The following ELP4 variants were observed in gnomAD, a reference collection of about 807,000 sequenced individuals.
The protein encoded by ELP4 is elongator complex protein 4.
In ELP4, 51 loss-of-function variants were observed where a neutral mutation model predicts 48.9. The observed-to-expected ratio is 1.04, with a 90% CI of 0.83 to 1.32. ELP4 has a LOEUF of 1.32. Ranked by LOEUF, ELP4 falls within the 40% of genes most tolerant of loss-of-function variation. The pLI is 0.00. For synonymous variants in ELP4, 210 were observed against 189.2 expected (o/e 1.11, Z -0.90); for missense variants, 519 against 514.6 (o/e 1.01, Z -0.08).
At chr11:31,563,005 AT>A (rs1442747139) in intron 3 of ELP4, among the ~76,000 whole-genome samples, 3 of 152,090 alleles carry the variant, frequency 2.0e-5, no homozygotes. Flanking sequence ...AATATCTTTG[AT>A]TTTTTTCTGT....
At chr11:31,783,286 C>A in intron 9 of ELP4, 107 bp from the exon 10 acceptor site, 1 of 963,448 alleles carries the variant, frequency 1.0e-6, no homozygotes, top group Non-Finnish European at 1.5e-6. Flanking sequence ...AGTCTAAATG[C>A]TGATCAACAG....
At chr11:31,765,047 C>T (rs1948014496) in intron 9 of ELP4, among the ~76,000 whole-genome samples, 1 of 152,102 alleles carries the variant, frequency 6.6e-6, no homozygotes, top group Non-Finnish European at 1.5e-5. Context: ...CATCCCACTC[C>T]TCAGCAAAAC....
intron 9 of ELP4, among the ~76,000 whole-genome samples, chr11:31,693,390 A>G (rs1462155959): frequency 1.3e-5 from 2 of 151,560 alleles, no homozygotes; most frequent in Non-Finnish European, 2.9e-5. Context: ...ATTCCCACCT[A>G]TGAGTAAGAA....
Position 31,784,230 on chromosome 11 carries a change from A to G in ELP4, c.*706A>G, listed in dbSNP as rs1318635419. 6.6e-6 allele frequency: 1 copy of G among 152,226 alleles called. No homozygotes were observed. Among genetic ancestry groups the G allele is most frequent in the Non-Finnish European group, 1.5e-5 (1 of 68,030 alleles). 9.4% of individuals were successfully genotyped at this position (152,226 alleles called of 1,614,324 possible). A position where few individuals can be genotyped will look rare whatever the true frequency, so the allele number is the denominator to read the frequency against. ...GAAATTCAAACTGACAGCTACATTA[A>G]TGCTAGGATACCAGGAGAAAAACAT... On this transcript the variant is annotated 3_prime_UTR_variant, in exon 10 of 10. Transcript: ENST00000640961.
At chr11:31,573,947 G>A (rs1469000223) in intron 3 of ELP4, among the ~76,000 whole-genome samples, 1 of 152,142 alleles carries the variant, frequency 6.6e-6, no homozygotes, top group African/African-American at 2.4e-5. Flanking sequence ...GGACTTCAAT[G>A]TATGGACCTG....
At chr11:31,531,017 T>G (rs545502887) in intron 2 of ELP4, among the ~76,000 whole-genome samples, 1 of 152,172 alleles carries the variant, frequency 6.6e-6, no homozygotes, top group Non-Finnish European at 1.5e-5. Context: ...GTTATGGGGA[T>G]TCACTAAATA....
At chr11:31,741,491 C>T (rs528717774) in intron 9 of ELP4, among the ~76,000 whole-genome samples, 28 of 152,240 alleles carry the variant, frequency 1.8e-4, no homozygotes, top group Non-Finnish European at 3.5e-4. Flanking sequence ...CTGGGAGACA[C>T]CCCCCAGTAG....
intron 2 of ELP4, among the ~76,000 whole-genome samples, chr11:31,536,412 C>T (rs1956502070): frequency 6.6e-6 from 1 of 152,144 alleles, no homozygotes; most frequent in East Asian, 1.9e-4. Context: ...AGTGCAGTGG[C>T]GTAATCTCGG....
rs1049974120 is a variant in ELP4, at chr11:31,632,327, G to C, written c.849G>C (p.Lys283Asn). ...GTGGCAACAGTCACAGCCTTACCAA[G>C]TTCCTCTATGTTCTCCGTGGTCTTC... ...ENGGNSHSLT[K>N]FLYVLRGLLR... Residue 283 changes from lysine (K) to asparagine (N), a missense_variant, in exon 7 of 10, where the codon AAG (lysine) becomes AAC (asparagine). Coordinates refer to ENST00000640961, the MANE Select transcript of ELP4 (RefSeq NM_019040.5). 6.2e-7 allele frequency: 1 copy of C among 1,613,402 alleles called. No individual in the cohort carries two copies. The highest frequency in any genetic ancestry group is 2.2e-5 in the East Asian group (1 of 44,814).
Position 31,783,902 on chromosome 11 carries a change from TTC to T in ELP4, c.*382_*383del, listed in dbSNP as rs1425498784. The T allele has an allele frequency of 1.3e-5, 2 of 156,120 alleles. No individual in the cohort carries two copies. Among genetic ancestry groups the T allele is most frequent in the Non-Finnish European group, 2.8e-5 (2 of 70,800 alleles). 9.7% of individuals were successfully genotyped at this position (156,120 alleles called of 1,614,324 possible). On this transcript the variant is annotated 3_prime_UTR_variant, in exon 10 of 10. Coordinates refer to ENST00000640961, the MANE Select transcript of ELP4 (RefSeq NM_019040.5). ...TCAAGATTGTATGTGAAAACATACT[TTC>T]TCTTTATTACAGAAACAGTCACTTG... is the stretch of plus-strand genomic sequence containing the variant.
chr11:31,582,377 C>A (rs1957406078), intron 3 of ELP4, among the ~76,000 whole-genome samples: 1 of 152,066 alleles, frequency 6.6e-6, no homozygotes, highest in Non-Finnish European at 1.5e-5. Flanking sequence ...GGGATTTGAC[C>A]ACGTTGATCT....
chr11:31,574,690 C>G (rs184600125), intron 3 of ELP4, among the ~76,000 whole-genome samples: 1 of 152,282 alleles, frequency 6.6e-6, no homozygotes, highest in Admixed American at 6.5e-5. Context: ...AGTGGACCTC[C>G]GGCAAACTCC....
At chr11:31,766,039 A>G (rs1001943317) in intron 9 of ELP4, among the ~76,000 whole-genome samples, 49 of 152,082 alleles carry the variant, frequency 3.2e-4, no homozygotes, top group African/African-American at 1.1e-3. Context: ...ATAAACTGTG[A>G]CTGTTCATCT....
intron 4 of ELP4, 81 bp downstream of exon 4, chr11:31,594,982 A>AGGCATT (rs1957647700): frequency 8.6e-7 from 1 of 1,158,956 alleles, no homozygotes; most frequent in African/African-American, 1.6e-5. Context: ...GTATGCCTAT[A>AGGCATT]TGTGTATTTG....
intron 9 of ELP4, among the ~76,000 whole-genome samples, chr11:31,753,669 GAAGAA>G (rs1420151161): frequency 6.6e-6 from 1 of 151,970 alleles, no homozygotes; most frequent in Non-Finnish European, 1.5e-5. Flanking sequence ...ACATAAATAA[GAAGAA>G]AAGTAAAAGA....
chr11:31,716,536 T>G (rs1946845670), intron 9 of ELP4, among the ~76,000 whole-genome samples: 1 of 152,196 alleles, frequency 6.6e-6, no homozygotes, highest in East Asian at 1.9e-4. Context: ...AAATGCCATA[T>G]AAGTGTTATT....
intron 9 of ELP4, among the ~76,000 whole-genome samples, chr11:31,673,455 C>T (rs1323970663): frequency 6.6e-6 from 1 of 152,150 alleles, no homozygotes; most frequent in Non-Finnish European, 1.5e-5. Context: ...CCTCGTCCTC[C>T]CAAGTAACTA....
intron 5 of ELP4, among the ~76,000 whole-genome samples, chr11:31,622,759 C>T (rs1220813086): frequency 2.0e-5 from 3 of 151,482 alleles, no homozygotes; most frequent in Admixed American, 1.3e-4. Context: ...GAAACTTGGT[C>T]GTCAGAAAAC....
chr11:31,562,676 A>G (rs1488111605), intron 3 of ELP4, among the ~76,000 whole-genome samples: 1 of 152,148 alleles, frequency 6.6e-6, no homozygotes, highest in Non-Finnish European at 1.5e-5. Context: ...TTCAAGAAAA[A>G]TATCTTAAAT....
Sources: gnomAD v4.1 joint callset for allele counts (sites outside exome capture counted in the v4.1 genomes callset) on GRCh38, gnomAD v4.1.1 for gene constraint, MANE v1.5 for transcripts, NCBI Gene and HGNC (gene_info 2026-07-23, HGNC 2026-07-21) for gene names.